The following FAM53A variants were observed in gnomAD, a reference collection of about 807,000 sequenced individuals.
The protein encoded by FAM53A is family with sequence similarity 53 member A.
A neutral mutation model predicts 26.6 loss-of-function variants in FAM53A; 28 were observed. The observed-to-expected ratio is 1.05, with a 90% CI of 0.78 to 1.45. The LOEUF is 1.45. FAM53A is among the 40% of genes most tolerant of loss of function. The probability of loss-of-function intolerance (pLI) is 0.00; values close to 1 mark genes in which losing one functional copy is unlikely to be tolerated. For missense variants in FAM53A, 650 were observed against 575.8 expected, an observed-to-expected ratio of 1.13 and a Z score of -1.32; for synonymous variants, 290 against 253.1, an observed-to-expected ratio of 1.15 and a Z score of -1.38.
chr4:1,655,246 C>T lies in FAM53A; in HGVS notation c.614G>A (p.Gly205Asp), dbSNP rs1206741380. ...GGACTCCGCGGAACACCAGAGCGGG[C>T]CTGAGCCCGCACTGCCCTCGCTGCT... ...VDSSEGSAGS[G>D]PLWCSAESCL... Residue 205 changes from glycine to aspartate, a missense_variant, in exon 4 of 5, where the codon GGC becomes GAC. Coordinates refer to ENST00000308132, the MANE Select transcript of FAM53A (RefSeq NM_001174070.3). 4.7e-6 allele frequency: 7 copies of T among 1,496,254 alleles called. No individual in the cohort carries two copies. In the East Asian group the frequency reaches 7.3e-5, roughly 16 times the overall value. The allele number at this position is 1,496,254 out of a possible 1,614,324, so 92.7% of individuals were successfully genotyped here. A position where few individuals can be genotyped will look rare whatever the true frequency, so the allele number is the denominator to read the frequency against.
intron 1 of FAM53A, among the ~76,000 whole-genome samples, chr4:1,622,169 A>G (rs1383069342): frequency 2.0e-5 from 3 of 152,200 alleles, no homozygotes; most frequent in Non-Finnish European, 4.4e-5. Flanking sequence ...TCAGTTACCC[A>G]GACACGGTGC....
At position 1,668,874 on chromosome 4, in the gene FAM53A, G is replaced by C; in HGVS notation, c.-133C>G. 1 of 721,610 alleles carries C rather than the reference G, an allele frequency of 1.4e-6. No homozygotes were observed. The highest frequency in any genetic ancestry group is 2.7e-5 in the East Asian group (1 of 37,032). 44.7% of individuals were successfully genotyped at this position (721,610 alleles called of 1,614,324 possible). On this transcript the variant is annotated 5_prime_UTR_variant, in exon 2 of 5. Transcript: ENST00000308132. ...TCTCCACTTTCTTTACAGATGAGCAGTCCACGCCCACGGGCTCTTCAGGAT... is the reference window on the plus strand; with the variant it reads ...TCTCCACTTTCTTTACAGATGAGCACTCCACGCCCACGGGCTCTTCAGGAT...
the FAM53A span, among the ~76,000 whole-genome samples, chr4:1,583,707 G>A: frequency 2.2e-4 from 34 of 152,222 alleles, no homozygotes; most frequent in African/African-American, 6.5e-4. Flanking sequence ...GGGCTTGTGC[G>A]AGGATTGAAG....
intron 1 of FAM53A, among the ~76,000 whole-genome samples, chr4:1,626,747 T>C (rs1446774715): frequency 6.6e-6 from 1 of 152,170 alleles, no homozygotes; most frequent in East Asian, 1.9e-4. Flanking sequence ...CAGGACAGTG[T>C]AGACTCTCAG....
chr4:1,579,463 C>A, the FAM53A span, among the ~76,000 whole-genome samples: 1 of 152,150 alleles, frequency 6.6e-6, no homozygotes, highest in East Asian at 1.9e-4. Flanking sequence ...CTTGTCCCAG[C>A]CCCGCGTCCT....
chr4:1,658,675 G>A (rs1224256448), intron 2 of FAM53A, among the ~76,000 whole-genome samples: 1 of 152,250 alleles, frequency 6.6e-6, no homozygotes, highest in Non-Finnish European at 1.5e-5. Context: ...CCTACCCCAT[G>A]AAGTGTCAGG....
chr4:1,604,802 A>G, the FAM53A span, among the ~76,000 whole-genome samples: 130,996 of 151,896 alleles, frequency 0.86, 56,703 homozygotes, highest in African/African-American at 0.92. Flanking sequence ...CCCCAGCCTA[A>G]AGCAAAGAAA....
intron 1 of FAM53A, among the ~76,000 whole-genome samples, chr4:1,622,397 A>T (rs1023519468): frequency 3.3e-5 from 5 of 151,756 alleles, no homozygotes; most frequent in Admixed American, 6.6e-5. Context: ...TTCCCTGGGG[A>T]CTCCTTTGTG....
At chr4:1,597,152 G>A in the FAM53A span, among the ~76,000 whole-genome samples, 1 of 152,124 alleles carries the variant, frequency 6.6e-6, no homozygotes, top group Non-Finnish European at 1.5e-5. Context: ...CAGACACCAA[G>A]GGCATCTGGA....
chr4:1,615,856 G>T (rs566391561), downstream of FAM53A, among the ~76,000 whole-genome samples: 1 of 152,220 alleles, frequency 6.6e-6, no homozygotes, highest in Non-Finnish European at 1.5e-5. Flanking sequence ...CTCCAAAGCC[G>T]CCATGCAGCA....
intron 4 of FAM53A, among the ~76,000 whole-genome samples, chr4:1,642,913 CA>C (rs1471838580): frequency 3.9e-5 from 6 of 152,232 alleles, no homozygotes; most frequent in Non-Finnish European, 7.3e-5. Context: ...CTGCAGGGCA[CA>C]GGGGCGCCAT....
At chr4:1,644,130 A>G (rs1326101366) in intron 4 of FAM53A, 1 of 1,511,946 alleles carries the variant, frequency 6.6e-7, no homozygotes, top group East Asian at 2.5e-5. Context: ...ATGGCCTCCA[A>G]TCCACAGCAC....
At chr4:1,674,652 G>C (rs1279753358) in intron 1 of FAM53A, among the ~76,000 whole-genome samples, 1 of 137,106 alleles carries the variant, frequency 7.3e-6, no homozygotes, top group Non-Finnish European at 1.6e-5. Flanking sequence ...TTGGGCAACA[G>C]AGTGAGACTC....
At chr4:1,632,946 C>G (rs752769018) in intron 1 of FAM53A, among the ~76,000 whole-genome samples, 1 of 152,230 alleles carries the variant, frequency 6.6e-6, no homozygotes, top group Non-Finnish European at 1.5e-5. Flanking sequence ...TATGCACACA[C>G]GTGCACAGAC....
At chr4:1,625,478 TCA>T (rs1715248630) in intron 1 of FAM53A, among the ~76,000 whole-genome samples, 1 of 77,430 alleles carries the variant, frequency 1.3e-5, no homozygotes, top group Non-Finnish European at 2.3e-5. Context: ...GTGGTCAGGG[TCA>T]CACCAGGTGA....
the FAM53A span, among the ~76,000 whole-genome samples, chr4:1,580,467 G>C: frequency 2.0e-5 from 3 of 152,248 alleles, no homozygotes; most frequent in African/African-American, 7.2e-5. Context: ...AACAAGCTAG[G>C]GAGAAAGCAT....
rs559500907 is a variant in FAM53A at position 1,673,393 on chromosome 4, CGAT to C, written c.-164-4491_-164-4489del. On this transcript the variant is annotated intron_variant, in intron 1 of 4. Coordinates refer to ENST00000308132, the MANE Select transcript of FAM53A (RefSeq NM_001174070.3). Reference sequence around the variant, plus strand: ...GGTCTGCACGCCCTCGACAGAGAAACGATGACGTGTGTGCAAGAGTCACACGCT... The same window carrying C: ...GGTCTGCACGCCCTCGACAGAGAAACGACGTGTGTGCAAGAGTCACACGCT... 7.2e-5 allele frequency among the ~76,000 whole-genome samples: 11 copies of C among 152,288 alleles called. 1 individual carries two copies. The South Asian group carries it at 2.1e-3, about 29-fold the overall frequency.
chr4:1,626,679 G>C (rs976352625), intron 1 of FAM53A, among the ~76,000 whole-genome samples: 26 of 151,890 alleles, frequency 1.7e-4, no homozygotes, highest in African/African-American at 6.3e-4. Flanking sequence ...GGGGACCCGG[G>C]GAGGACCCGG....
At chr4:1,589,244 A>G in the FAM53A span, among the ~76,000 whole-genome samples, 4 of 152,196 alleles carry the variant, frequency 2.6e-5, no homozygotes, top group African/African-American at 9.7e-5. Context: ...ATAATCATGC[A>G]ATTCTTCCCC....
Sources: gnomAD v4.1 joint callset for allele counts (sites outside exome capture counted in the v4.1 genomes callset) on GRCh38, gnomAD v4.1.1 for gene constraint, MANE v1.5 for transcripts, NCBI Gene and HGNC (gene_info 2026-07-23, HGNC 2026-07-21) for gene names.